The following MOB3B variants were observed in gnomAD, a reference collection of about 807,000 sequenced individuals.
MOB3B encodes MOB kinase activator-like 2B.
A neutral mutation model predicts 18.7 loss-of-function variants in MOB3B; 7 were observed. The observed-to-expected ratio is 0.37, with a 90% CI of 0.21 to 0.70. MOB3B has a LOEUF of 0.70. MOB3B is among the 30% of genes least tolerant of loss of function. The pLI is 0.52. For synonymous variants in MOB3B, 111 were observed against 99.9 expected, an observed-to-expected ratio of 1.11 and a Z score of -0.66; for missense variants, 253 against 281.3, an observed-to-expected ratio of 0.90 and a Z score of 0.72.
chr9:27,455,542 T>A lies in MOB3B; in HGVS notation c.9A>T (p.Ile3=), dbSNP rs767376313. Residue 3 remains isoleucine (I), a synonymous_variant, in exon 2 of 4, where the codon ATA becomes ATT. Coordinates refer to ENST00000262244, the MANE Select transcript of MOB3B (RefSeq NM_024761.5). ...CCTTGTTGAATACCTGCTTCAGGGC[T>A]ATGGACATGGTCTTCTCTTTCGCTT... is the stretch of plus-strand genomic sequence containing the variant. MS[I]ALKQVFNKDK... 6.2e-7 allele frequency: 1 copy of A among 1,614,208 alleles called. No individual in the cohort carries two copies. Among genetic ancestry groups the A allele is most frequent in the Non-Finnish European group, 8.5e-7 (1 of 1,180,030 alleles).
intron 2 of MOB3B, among the ~76,000 whole-genome samples, chr9:27,436,123 T>C (rs1234756203): frequency 6.6e-6 from 1 of 152,234 alleles, no homozygotes; most frequent in Non-Finnish European, 1.5e-5. Flanking sequence ...GAGTCCCATT[T>C]ACCCTTCTGG....
intron 2 of MOB3B, among the ~76,000 whole-genome samples, chr9:27,429,142 G>C (rs764785896): frequency 3.3e-5 from 5 of 152,208 alleles, no homozygotes; most frequent in Admixed American, 2.0e-4. Context: ...GAAAGGCCCA[G>C]AGTTAAACTT....
intron 3 of MOB3B, among the ~76,000 whole-genome samples, chr9:27,333,369 C>G (rs1820816654): frequency 6.6e-6 from 1 of 151,024 alleles, no homozygotes; most frequent in African/African-American, 2.4e-5. Context: ...AAAAAAAACT[C>G]GTTTAAATAA....
intron 2 of MOB3B, among the ~76,000 whole-genome samples, chr9:27,416,044 T>A (rs886553853): frequency 6.6e-6 from 1 of 152,250 alleles, no homozygotes; most frequent in Non-Finnish European, 1.5e-5. Context: ...GCTTGCAATA[T>A]GTTTTTGTCC....
At chr9:27,500,554 G>C (rs1819974986) in intron 1 of MOB3B, among the ~76,000 whole-genome samples, 1 of 152,170 alleles carries the variant, frequency 6.6e-6, no homozygotes, top group South Asian at 2.1e-4. Flanking sequence ...TATGTAGAAA[G>C]CTGAAACTGG....
chr9:27,362,029 G>A (rs902842900), intron 2 of MOB3B, among the ~76,000 whole-genome samples: 4 of 152,158 alleles, frequency 2.6e-5, no homozygotes, highest in African/African-American at 4.8e-5. Context: ...GACACACTGC[G>A]GATGCTCATG....
rs180682792 is a variant in MOB3B at position 27,358,192 on chromosome 9, T to C, written c.621+842A>G. On this transcript the variant is annotated intron_variant, in intron 3 of 3. Coordinates refer to ENST00000262244, the MANE Select transcript of MOB3B (RefSeq NM_024761.5). Reference sequence around the variant, plus strand: ...CATTCAAATGAACTTGGATGAAATGTAGTTGCTCTGTCAGTTATATTTAGC... The same window carrying C: ...CATTCAAATGAACTTGGATGAAATGCAGTTGCTCTGTCAGTTATATTTAGC... Among the ~76,000 whole-genome samples the C allele has an allele frequency of 3.3e-5, 5 of 152,346 alleles. No individual in the cohort carries two copies. The East Asian group carries it at 9.6e-4, about 29-fold the overall frequency.
rs1442349344 is a variant in MOB3B at position 27,330,545 on chromosome 9, G to A, written c.*42C>T. ...ACCTCCTGCCCGCTCAGGGCACCAG[G>A]AGGAAACAGCTTTCCTTTCTTCCAA... On this transcript the variant is annotated 3_prime_UTR_variant, in exon 4 of 4. Coordinates refer to ENST00000262244, the MANE Select transcript of MOB3B (RefSeq NM_024761.5). The A allele has an allele frequency of 6.2e-7, 1 of 1,613,618 alleles. No individual in the cohort carries two copies. Among genetic ancestry groups the A allele is most frequent in the South Asian group, 1.1e-5 (1 of 90,926 alleles).
intron 2 of MOB3B, among the ~76,000 whole-genome samples, chr9:27,447,773 C>T (rs1206874100): frequency 6.6e-6 from 1 of 152,156 alleles, no homozygotes; most frequent in African/African-American, 2.4e-5. Context: ...ATTGGGTTCA[C>T]AAGGTTGTGG....
chr9:27,495,491 GT>G (rs1167804426), intron 1 of MOB3B, among the ~76,000 whole-genome samples: 1 of 152,098 alleles, frequency 6.6e-6, no homozygotes, highest in Admixed American at 6.6e-5. Context: ...CACTGTATTA[GT>G]TTTCCCATGC....
At chr9:27,420,290 C>A (rs1822222138) in intron 2 of MOB3B, among the ~76,000 whole-genome samples, 1 of 151,922 alleles carries the variant, frequency 6.6e-6, no homozygotes, top group Non-Finnish European at 1.5e-5. Context: ...TTTGATCCAG[C>A]AATCTCACTA....
At chr9:27,378,832 T>A in intron 2 of MOB3B, 1 of 379,090 alleles carries the variant, frequency 2.6e-6, no homozygotes, top group Non-Finnish European at 5.4e-6. Flanking sequence ...GAAGGTCATT[T>A]GGAAGAGGAA....
At chr9:27,432,746 T>G (rs550320310) in intron 2 of MOB3B, among the ~76,000 whole-genome samples, 1 of 152,366 alleles carries the variant, frequency 6.6e-6, no homozygotes, top group South Asian at 2.1e-4. Context: ...GATTCCATTC[T>G]GGGCTATGCA....
At chr9:27,403,221 C>G (rs998944669) in intron 2 of MOB3B, among the ~76,000 whole-genome samples, 2 of 152,190 alleles carry the variant, frequency 1.3e-5, no homozygotes, top group African/African-American at 4.8e-5. Context: ...ATGTCTTTAA[C>G]ATTTCAAGTA....
chr9:27,433,921 C>T (rs1319847178), intron 2 of MOB3B, among the ~76,000 whole-genome samples: 1 of 152,068 alleles, frequency 6.6e-6, no homozygotes, highest in Non-Finnish European at 1.5e-5. Context: ...AAGAGAAAAC[C>T]ACTTGAGCCA....
chr9:27,453,170 T>TA (rs1229298364), intron 2 of MOB3B, among the ~76,000 whole-genome samples: 17 of 151,440 alleles, frequency 1.1e-4, no homozygotes, highest in Non-Finnish European at 1.8e-4. Context: ...TTCATTAATT[T>TA]AAAAAAAAAG....
intron 1 of MOB3B, among the ~76,000 whole-genome samples, chr9:27,491,328 A>AG (rs1819815031): frequency 6.6e-6 from 1 of 152,206 alleles, no homozygotes; most frequent in East Asian, 1.9e-4. Flanking sequence ...CTATTCACTA[A>AG]GAAAAAAAAG....
At chr9:27,463,948 C>A (rs919049057) in intron 1 of MOB3B, among the ~76,000 whole-genome samples, 1 of 151,830 alleles carries the variant, frequency 6.6e-6, no homozygotes, top group South Asian at 2.1e-4. Flanking sequence ...CAGCATGAGA[C>A]CCTGTCTCAA....
chr9:27,463,617 G>A (rs1587234264), intron 1 of MOB3B, among the ~76,000 whole-genome samples: 1 of 152,118 alleles, frequency 6.6e-6, no homozygotes, highest in Non-Finnish European at 1.5e-5. Flanking sequence ...ACTTTAGCTG[G>A]CTATGTCTTT....
Sources: allele counts gnomAD v4.1 joint callset (sites outside exome capture counted in the v4.1 genomes callset), GRCh38; gene constraint gnomAD v4.1.1; transcripts MANE v1.5; gene names NCBI Gene and HGNC (gene_info 2026-07-23, HGNC 2026-07-21).